The following RARB variants were observed in gnomAD, a reference collection of about 807,000 sequenced individuals.
The protein encoded by RARB is retinoic acid receptor beta, also known as HBV-activated protein.
Under a neutral mutation model 51.9 loss-of-function variants are expected in RARB, and 17 were observed. The ratio of observed to expected loss-of-function variants is 0.33; its 90% CI spans 0.22 to 0.49. The LOEUF is 0.49. RARB is among the 20% of genes least tolerant of loss of function. The pLI, the probability that RARB is intolerant of heterozygous loss-of-function variation, is 0.99. For missense variants in RARB, 369 were observed against 550.8 expected (o/e 0.67, Z 3.30); for synonymous variants, 215 against 195.4 (o/e 1.10, Z -0.84).
At position 25,345,508 on chromosome 3, in the gene RARB, T is replaced by C. The variant is rs530650123; in HGVS notation, c.179-115685T>C. On this transcript the variant is annotated intron_variant, in intron 5 of 11. Coordinates refer to the RARB transcript ENST00000383772. ...GGTGAAACTCTGTCTCTACTAAAAA[T>C]ACAAAAATTAGCCGGGTGTGGTGGT... Among the ~76,000 whole-genome samples, 5 of 151,878 alleles carry C rather than the reference T, an allele frequency of 3.3e-5. No homozygotes were observed. In the South Asian group the frequency reaches 1.0e-3, roughly 32 times the overall value.
intron 5 of RARB, among the ~76,000 whole-genome samples, chr3:25,286,701 A>T (rs1466444876): frequency 2.0e-5 from 3 of 152,228 alleles, no homozygotes; most frequent in Admixed American, 2.0e-4. Context: ...ATTCATTCTT[A>T]CCTTCCCATT....
At chr3:25,031,751 C>A (rs1575127145) in intron 2 of RARB, among the ~76,000 whole-genome samples, 1 of 152,132 alleles carries the variant, frequency 6.6e-6, no homozygotes, top group South Asian at 2.1e-4. Flanking sequence ...TTTTGTGTTA[C>A]TACCATATGA....
At chr3:25,007,592 CA>C (rs759589176) in intron 2 of RARB, among the ~76,000 whole-genome samples, 8 of 45,384 alleles carry the variant, frequency 1.8e-4, no homozygotes, top group Admixed American at 6.5e-4. Flanking sequence ...GAGACTGTCT[CA>C]AAAAAAAAAA....
intron 2 of RARB, among the ~76,000 whole-genome samples, chr3:25,047,804 G>T (rs544397004): frequency 6.6e-6 from 1 of 152,178 alleles, no homozygotes; most frequent in Non-Finnish European, 1.5e-5. Flanking sequence ...TTATGCAGGT[G>T]GTTTTGCTTG....
At chr3:25,531,388 G>GTTGA in intron 3 of RARB, among the ~76,000 whole-genome samples, 1 of 145,330 alleles carries the variant, frequency 6.9e-6, no homozygotes, top group East Asian at 2.0e-4. Context: ...AGATAGATAG[G>GTTGA]TAGATAGATA....
chr3:25,268,878 GTGTT>G (rs1234290952), intron 5 of RARB, among the ~76,000 whole-genome samples: 4 of 152,130 alleles, frequency 2.6e-5, no homozygotes, highest in African/African-American at 9.7e-5. Context: ...TTGCAATTCA[GTGTT>G]TACAGCCTGT....
chr3:25,305,882 T>C (rs1250963308), intron 5 of RARB, among the ~76,000 whole-genome samples: 1 of 152,198 alleles, frequency 6.6e-6, no homozygotes, highest in Non-Finnish European at 1.5e-5. Context: ...TTGAAACATA[T>C]AAACATTCAG....
At chr3:24,908,944 C>T (rs1412320479) in intron 2 of RARB, among the ~76,000 whole-genome samples, 1 of 152,056 alleles carries the variant, frequency 6.6e-6, no homozygotes, top group African/African-American at 2.4e-5. Flanking sequence ...TAACGGAATC[C>T]TATTTTTTCC....
intron 1 of RARB, among the ~76,000 whole-genome samples, chr3:24,832,628 AATAT>A (rs10526610): frequency 0.14 from 12,565 of 88,460 alleles, 1,326 homozygotes; most frequent in Non-Finnish European, 0.19. Flanking sequence ...ATTGAGTCCC[AATAT>A]ATATATATAT....
chr3:24,961,149 G>A (rs939612804), intron 2 of RARB, among the ~76,000 whole-genome samples: 4 of 152,176 alleles, frequency 2.6e-5, no homozygotes. Context: ...AATTATTAAT[G>A]ATAAATAGGA....
chr3:25,214,196 C>G (rs143050176), intron 5 of RARB, among the ~76,000 whole-genome samples: 3 of 152,266 alleles, frequency 2.0e-5, no homozygotes, highest in East Asian at 1.9e-4. Context: ...GGGGCCCTAT[C>G]CTTGGCTTCT....
intron 5 of RARB, among the ~76,000 whole-genome samples, chr3:25,317,557 T>C (rs541284218): frequency 1.3e-5 from 2 of 152,070 alleles, no homozygotes; most frequent in Admixed American, 1.3e-4. Flanking sequence ...GTCAATAACA[T>C]GGGTAGTAAC....
intron 2 of RARB, among the ~76,000 whole-genome samples, chr3:24,960,268 G>A (rs1245135069): frequency 1.3e-5 from 2 of 151,890 alleles, no homozygotes; most frequent in Admixed American, 6.6e-5. Context: ...ATTTGATAAT[G>A]TATCTTATGA....
chr3:25,173,419 C>T (rs1700681015), intron 4 of RARB, among the ~76,000 whole-genome samples: 2 of 152,038 alleles, frequency 1.3e-5, no homozygotes, highest in South Asian at 4.1e-4. Flanking sequence ...GGCAGACAGA[C>T]AAATGGGTCA....
At chr3:25,325,773 C>T (rs1217195868) in intron 5 of RARB, among the ~76,000 whole-genome samples, 1 of 148,426 alleles carries the variant, frequency 6.7e-6, no homozygotes, top group Non-Finnish European at 1.5e-5. Context: ...CAGTAGGGTA[C>T]CTTCAGTTTG....
At chr3:24,955,620 A>T (rs1695997729) in intron 2 of RARB, among the ~76,000 whole-genome samples, 1 of 152,180 alleles carries the variant, frequency 6.6e-6, no homozygotes, top group Non-Finnish European at 1.5e-5. Context: ...AAGGCATATA[A>T]AATTTTATTT....
intron 4 of RARB, among the ~76,000 whole-genome samples, chr3:25,159,305 G>T (rs1407559097): frequency 6.6e-6 from 1 of 151,402 alleles, no homozygotes; most frequent in African/African-American, 2.4e-5. Flanking sequence ...GAGTAGCTGG[G>T]ATTACAAGTA....
At position 25,321,440 on chromosome 3, in the gene RARB, G is replaced by A. The variant is rs112155548; in HGVS notation, c.179-139753G>A. Among the ~76,000 whole-genome samples, 584 of 152,012 alleles carry A rather than the reference G, an allele frequency of 3.8e-3. 1 individual carries two copies. Among genetic ancestry groups the A allele is most frequent in the African/African-American group, 0.013 (548 of 41,466 alleles). ...CATTTTTAAATTATGCTATCAGGTC[G>A]GTCACGGTGGCTCACATCTGTAATC... On this transcript the variant is annotated intron_variant, in intron 5 of 11. Coordinates refer to the RARB transcript ENST00000383772.
intron 5 of RARB, among the ~76,000 whole-genome samples, chr3:25,270,920 T>C (rs551223631): frequency 6.6e-6 from 1 of 152,250 alleles, no homozygotes; most frequent in Non-Finnish European, 1.5e-5. Context: ...GTAAGTTTTG[T>C]GTCGGGGCTT....
Sources: allele counts gnomAD v4.1 joint callset (sites outside exome capture counted in the v4.1 genomes callset), GRCh38; gene constraint gnomAD v4.1.1; transcripts MANE v1.5; gene names NCBI Gene and HGNC (gene_info 2026-07-23, HGNC 2026-07-21).